CREB5: variants seen among roughly 807,000 people sequenced by gnomAD.
The protein encoded by CREB5 is cyclic AMP-responsive element-binding protein 5.
In CREB5, 19 loss-of-function variants were observed where a neutral mutation model predicts 57.1. That is an observed-to-expected ratio of 0.33 (90% CI 0.23 to 0.49). The LOEUF (loss-of-function observed/expected upper bound fraction) is 0.49, where lower values mean the gene tolerates loss of function less well. Among genes scored for constraint, CREB5 ranks in the 20% least tolerant of loss-of-function variants. The pLI is 0.99. For missense variants in CREB5, 579 were observed against 671.6 expected (o/e 0.86, Z 1.52); for synonymous variants, 238 against 238.3 (o/e 1.00, Z 0.01).
intron 5 of CREB5, among the ~76,000 whole-genome samples, chr7:28,607,486 A>G (rs1166117054): frequency 6.6e-6 from 1 of 152,166 alleles, no homozygotes; most frequent in East Asian, 1.9e-4. Flanking sequence ...CATAATAACA[A>G]GCTGGGTTCA....
chr7:28,375,008 G>A (rs1389434315), intron 1 of CREB5, among the ~76,000 whole-genome samples: 2 of 152,184 alleles, frequency 1.3e-5, no homozygotes, highest in Non-Finnish European at 2.9e-5. Flanking sequence ...GCAGAAGACT[G>A]TGAAGTTATA....
chr7:28,413,049 C>T (rs923027638), intron 1 of CREB5, 132 bp downstream of exon 1: 41 of 721,474 alleles, frequency 5.7e-5, no homozygotes, highest in Non-Finnish European at 7.0e-5. Context: ...TTTAATGTTG[C>T]TTTTGTCAGT....
intron 1 of CREB5, among the ~76,000 whole-genome samples, chr7:28,438,414 C>A (rs1174461624): frequency 6.6e-6 from 1 of 152,226 alleles, no homozygotes; most frequent in South Asian, 2.1e-4. Context: ...TGATCCCCAA[C>A]TTGACCATAT....
intron 1 of CREB5, among the ~76,000 whole-genome samples, chr7:28,435,264 G>A (rs900361889): frequency 6.6e-6 from 1 of 152,058 alleles, no homozygotes; most frequent in African/African-American, 2.4e-5. Flanking sequence ...TAGGAGGGGG[G>A]TGGATCGTTA....
chr7:28,640,107 G>C (rs1202763919), intron 5 of CREB5, among the ~76,000 whole-genome samples: 6 of 152,132 alleles, frequency 3.9e-5, no homozygotes, highest in Admixed American at 3.9e-4. Flanking sequence ...AGGTGGGTGT[G>C]CCTCCTCTCC....
chr7:28,579,810 C>G (rs552579499), intron 5 of CREB5, among the ~76,000 whole-genome samples: 1 of 152,112 alleles, frequency 6.6e-6, no homozygotes, highest in Non-Finnish European at 1.5e-5. Context: ...TACCCATCCC[C>G]GAATCACTGA....
intron 5 of CREB5, chr7:28,686,325 C>T (rs1256226241): frequency 2.9e-6 from 2 of 691,566 alleles, no homozygotes; most frequent in East Asian, 5.4e-5. Flanking sequence ...CCCTTTCTGC[C>T]CGTCTTTGTT....
At chr7:28,640,525 C>T (rs190709377) in intron 5 of CREB5, among the ~76,000 whole-genome samples, 250 of 152,160 alleles carry the variant, frequency 1.6e-3, no homozygotes, top group African/African-American at 5.5e-3. Context: ...TGACTGCTTG[C>T]GACAAAATTA....
At chr7:28,427,586 T>C (rs982705457) in intron 1 of CREB5, among the ~76,000 whole-genome samples, 8 of 152,184 alleles carry the variant, frequency 5.3e-5, no homozygotes, top group South Asian at 4.2e-4. Flanking sequence ...TTATTCCTTC[T>C]ATCTCTGCCC....
At chr7:28,679,238 TATC>T (rs1562566636) in intron 5 of CREB5, among the ~76,000 whole-genome samples, 1 of 152,144 alleles carries the variant, frequency 6.6e-6, no homozygotes, top group Admixed American at 6.5e-5. Flanking sequence ...GTTTTGAACT[TATC>T]ATGTGCAAAG....
chr7:28,516,734 T>C (rs980570353), intron 4 of CREB5, among the ~76,000 whole-genome samples: 10 of 152,244 alleles, frequency 6.6e-5, no homozygotes, highest in Admixed American at 5.2e-4. Flanking sequence ...GTGATTGTTT[T>C]AAATTCCAGG....
chr7:28,813,772 G>A (rs1204878369), intron 9 of CREB5, among the ~76,000 whole-genome samples: 1 of 152,106 alleles, frequency 6.6e-6, no homozygotes, highest in African/African-American at 2.4e-5. Context: ...GTGGCGTGCT[G>A]CTTCATCCCA....
chr7:28,331,220 T>C (rs967467545), intron 1 of CREB5, among the ~76,000 whole-genome samples: 1 of 152,136 alleles, frequency 6.6e-6, no homozygotes, highest in Non-Finnish European at 1.5e-5. Context: ...GGAGCCCTTT[T>C]AGATTTTTTC....
intron 7 of CREB5, among the ~76,000 whole-genome samples, chr7:28,743,787 G>A (rs1393716098): frequency 1.4e-5 from 2 of 144,086 alleles, no homozygotes; most frequent in Admixed American, 7.0e-5. Context: ...TTCCCCCTGT[G>A]TCCTTCCCCG....
At chr7:28,352,723 C>A (rs1294736975) in intron 1 of CREB5, among the ~76,000 whole-genome samples, 1 of 152,148 alleles carries the variant, frequency 6.6e-6, no homozygotes, top group Non-Finnish European at 1.5e-5. Context: ...AAGACTTTTG[C>A]AGAAGACTTT....
intron 5 of CREB5, among the ~76,000 whole-genome samples, chr7:28,585,395 T>C (rs1290436607): frequency 6.6e-6 from 1 of 152,190 alleles, no homozygotes; most frequent in Non-Finnish European, 1.5e-5. Flanking sequence ...TGTGTTTGTG[T>C]GTTTCTGCAG....
At chr7:28,802,608 C>G (rs1808439590) in intron 7 of CREB5, among the ~76,000 whole-genome samples, 1 of 152,250 alleles carries the variant, frequency 6.6e-6, no homozygotes, top group Non-Finnish European at 1.5e-5. Context: ...ACAATCATCT[C>G]TGCATAAGAT....
At chr7:28,723,068 C>G (rs982820337) in intron 6 of CREB5, among the ~76,000 whole-genome samples, 1 of 152,194 alleles carries the variant, frequency 6.6e-6, no homozygotes, top group African/African-American at 2.4e-5. Context: ...GCAAGCAACT[C>G]CGTATTTTCC....
chr7:28,573,062 C>T (rs943432284), intron 5 of CREB5, among the ~76,000 whole-genome samples: 4 of 152,084 alleles, frequency 2.6e-5, no homozygotes, highest in African/African-American at 9.7e-5. Flanking sequence ...AAACCTTGCC[C>T]GGATGATCCT....
Sources: allele counts gnomAD v4.1 joint callset (sites outside exome capture counted in the v4.1 genomes callset), GRCh38; gene constraint gnomAD v4.1.1; transcripts MANE v1.5; gene names NCBI Gene and HGNC (gene_info 2026-07-23, HGNC 2026-07-21).